KCNH7: variants seen among roughly 807,000 people sequenced by gnomAD.
KCNH7 encodes voltage-gated inwardly rectifying potassium channel KCNH7.
In KCNH7, 49 loss-of-function variants were observed where a neutral mutation model predicts 120.8. That is an observed-to-expected ratio of 0.41 (90% CI 0.32 to 0.51). The LOEUF is 0.51. Ranked by LOEUF, KCNH7 falls within the 20% of genes least tolerant of loss-of-function variation. KCNH7 has a pLI of 0.38. For synonymous variants in KCNH7, 547 were observed against 516.1 expected, an observed-to-expected ratio of 1.06 and a Z score of -0.81; for missense variants, 1,097 against 1,446.6, an observed-to-expected ratio of 0.76 and a Z score of 3.92.
At chr2:162,441,999 C>CT (rs779418084) in intron 7 of KCNH7, among the ~76,000 whole-genome samples, 879 of 41,484 alleles carry the variant, frequency 0.021, 308 homozygotes, top group African/African-American at 0.021. Context: ...GTTAGGTCTT[C>CT]TTTTTTTTTT....
intron 2 of KCNH7, among the ~76,000 whole-genome samples, chr2:162,699,324 G>C (rs914562264): frequency 2.0e-5 from 3 of 151,958 alleles, no homozygotes; most frequent in Non-Finnish European, 4.4e-5. Flanking sequence ...TGTCCTCCAG[G>C]TTCATCTATG....
At chr2:162,657,590 A>AAAAT (rs1684810596) in intron 2 of KCNH7, among the ~76,000 whole-genome samples, 1 of 152,208 alleles carries the variant, frequency 6.6e-6, no homozygotes. Context: ...ACCTACATAA[A>AAAAT]AAATATTTTG....
intron 2 of KCNH7, chr2:162,795,878 A>G (rs1275692938): frequency 3.9e-5 from 6 of 152,058 alleles, no homozygotes; most frequent in East Asian, 1.9e-4. Context: ...TGGACATCCT[A>G]TGTACACAGA....
intron 6 of KCNH7, among the ~76,000 whole-genome samples, chr2:162,450,840 A>G (rs1021624515): frequency 6.6e-6 from 1 of 152,106 alleles, no homozygotes; most frequent in South Asian, 2.1e-4. Context: ...ATCAATTAGG[A>G]CTTTGGTATG....
rs774610056 is a variant in KCNH7 at position 162,504,507 on chromosome 2, T to C, written c.1064A>G (p.Asp355Gly). ...AACCTTGGGTGCAATAATGGTTTTATCTGAAGAAGGAGGTGATGAATTCTT... is the reference window on the plus strand; with the variant it reads ...AACCTTGGGTGCAATAATGGTTTTACCTGAAGAAGGAGGTGATGAATTCTT... ...EKKNSSPPSS[D>G]KTIIAPKVKD... Residue 355 changes from aspartate (D) to glycine (G), a missense_variant, in exon 6 of 16, where the codon GAT becomes GGT. Asp to Gly is a moderately conservative substitution (Grantham distance 94). Transcript: ENST00000332142. 1 of 1,613,190 alleles carries C rather than the reference T, an allele frequency of 6.2e-7. No homozygotes were observed. Among genetic ancestry groups the C allele is most frequent in the South Asian group, 1.1e-5 (1 of 91,072 alleles).
At chr2:162,591,870 T>C (rs2105934729) in intron 2 of KCNH7, among the ~76,000 whole-genome samples, 1 of 152,250 alleles carries the variant, frequency 6.6e-6, no homozygotes, top group Non-Finnish European at 1.5e-5. Context: ...AGCACTTCCT[T>C]TTCTTCCTCT....
At chr2:162,374,516 A>T (rs751850857) in intron 14 of KCNH7, among the ~76,000 whole-genome samples, 7 of 152,170 alleles carry the variant, frequency 4.6e-5, no homozygotes, top group Non-Finnish European at 1.0e-4. Flanking sequence ...CTCTTTAGAA[A>T]ATTCTTCTAA....
chr2:162,465,452 T>G (rs745523805), intron 6 of KCNH7, among the ~76,000 whole-genome samples: 4 of 152,198 alleles, frequency 2.6e-5, no homozygotes, highest in Non-Finnish European at 5.9e-5. Flanking sequence ...AAAGTATTCA[T>G]GTGCCCTATA....
chr2:162,722,254 GTCA>G lies in KCNH7; in HGVS notation c.307+114280_307+114282del, dbSNP rs1030999582. On this transcript the variant is annotated intron_variant, in intron 2 of 15. Transcript: ENST00000332142. ...TATAGTGATGAAGTAAGAAGAAGAA[GTCA>G]TTAAAAATATTCAAGAATAACTAGA... Among the ~76,000 whole-genome samples, 410 of 152,094 alleles carry G rather than the reference GTCA, an allele frequency of 2.7e-3. 1 individual carries two copies. The highest frequency in any genetic ancestry group is 9.4e-3 in the African/African-American group (390 of 41,520).
chr2:162,576,903 C>CTTATTTAT (rs201593342), intron 2 of KCNH7, among the ~76,000 whole-genome samples: 13 of 150,488 alleles, frequency 8.6e-5, no homozygotes, highest in Admixed American at 2.7e-4. Flanking sequence ...TATTCTTTTT[C>CTTATTTAT]TTCTTTATTT....
intron 2 of KCNH7, among the ~76,000 whole-genome samples, chr2:162,631,315 G>A (rs558835294): frequency 1.3e-5 from 2 of 152,088 alleles, no homozygotes; most frequent in South Asian, 4.1e-4. Flanking sequence ...TCTGTACATT[G>A]AGGCAAATTG....
chr2:162,744,677 A>G (rs1466115831), intron 2 of KCNH7, among the ~76,000 whole-genome samples: 3 of 146,104 alleles, frequency 2.1e-5, no homozygotes, highest in African/African-American at 7.7e-5. Flanking sequence ...GGTTCACGCC[A>G]TTCTCCTGCC....
At chr2:162,757,775 G>A (rs895241275) in intron 2 of KCNH7, among the ~76,000 whole-genome samples, 5 of 152,158 alleles carry the variant, frequency 3.3e-5, no homozygotes, top group Admixed American at 1.3e-4. Flanking sequence ...TTGAGTGCAA[G>A]TAAATTGCAG....
intron 8 of KCNH7, 40 bp from the exon 9 acceptor site, chr2:162,423,575 C>T (rs1687769591): frequency 3.2e-6 from 5 of 1,560,094 alleles, no homozygotes; most frequent in Middle Eastern, 1.7e-4. Context: ...GGAAACTGCA[C>T]ATAGGTGTGT....
Position 162,530,472 on chromosome 2 carries a change from GCA to G in KCNH7, c.463+6451_463+6452del, listed in dbSNP as rs111443301. On this transcript the variant is annotated intron_variant, in intron 3 of 15. Transcript: ENST00000332142. ...CACGCTAGTGTGCGCGAGCGTGCGCGCACACACACACACACACACACAATTAC... is the reference window on the plus strand; with the variant it reads ...CACGCTAGTGTGCGCGAGCGTGCGCGCACACACACACACACACACAATTAC... Among the ~76,000 whole-genome samples the G allele has an allele frequency of 4.8e-3, 722 of 149,436 alleles. 4 individuals carry two copies. Among genetic ancestry groups the G allele is most frequent in the African/African-American group, 1.0e-2 (409 of 41,070 alleles).
chr2:162,581,944 C>A (rs1390623137), intron 2 of KCNH7, among the ~76,000 whole-genome samples: 1 of 152,074 alleles, frequency 6.6e-6, no homozygotes, highest in Non-Finnish European at 1.5e-5. Context: ...CTGAGTTGCA[C>A]TCCCCCTCAA....
intron 2 of KCNH7, among the ~76,000 whole-genome samples, chr2:162,782,393 A>G (rs1184953950): frequency 6.6e-6 from 1 of 152,222 alleles, no homozygotes; most frequent in Non-Finnish European, 1.5e-5. Flanking sequence ...AAGAAAGACC[A>G]GAAAAAGGTG....
chr2:162,697,544 T>A (rs1197803605), intron 2 of KCNH7, among the ~76,000 whole-genome samples: 1 of 151,924 alleles, frequency 6.6e-6, no homozygotes, highest in Admixed American at 6.6e-5. Context: ...GTCAGGGTAA[T>A]TGTTATTTTG....
chr2:162,829,832 T>A (rs1324465475), intron 2 of KCNH7, among the ~76,000 whole-genome samples: 5 of 147,278 alleles, frequency 3.4e-5, no homozygotes, highest in African/African-American at 1.2e-4. Flanking sequence ...TTCCCCCAGA[T>A]CTTGTTAACT....
Sources: allele counts gnomAD v4.1 joint callset (sites outside exome capture counted in the v4.1 genomes callset), GRCh38; gene constraint gnomAD v4.1.1; transcripts MANE v1.5; gene names NCBI Gene and HGNC (gene_info 2026-07-23, HGNC 2026-07-21).